HTT: variants seen among roughly 807,000 people sequenced by gnomAD.
The protein encoded by HTT is huntingtin.
Under a neutral mutation model 362.3 loss-of-function variants are expected in HTT, and 104 were observed. The ratio of observed to expected loss-of-function variants is 0.29; its 90% CI spans 0.24 to 0.34. HTT has a LOEUF of 0.34. HTT is among the 10% of genes least tolerant of loss of function. HTT has a pLI of 1.00. For synonymous variants in HTT, 1,577 were observed against 1,548.7 expected (o/e 1.02, Z -0.43); for missense variants, 3,301 against 3,928.6 (o/e 0.84, Z 4.27).
intron 41 of HTT, among the ~76,000 whole-genome samples, chr4:3,201,951 G>A (rs966134866): frequency 2.6e-5 from 4 of 152,246 alleles, no homozygotes; most frequent in South Asian, 4.1e-4. Context: ...ACCCTCTCTC[G>A]GTTTGTGTGC....
At chr4:3,184,096 GAGTT>G (rs1718647908) in intron 37 of HTT, among the ~76,000 whole-genome samples, 1 of 152,076 alleles carries the variant, frequency 6.6e-6, no homozygotes, top group Non-Finnish European at 1.5e-5. Context: ...GGAGGGAAGA[GAGTT>G]AGGTGGTGTC....
chr4:3,210,097 C>G, intron 47 of HTT, 148 bp downstream of exon 47: 1 of 979,424 alleles, frequency 1.0e-6, no homozygotes, highest in Non-Finnish European at 1.5e-6. Flanking sequence ...AGAGACTCCA[C>G]TCTGAATGGG....
rs1237778743 is a variant in HTT at position 3,132,921 on chromosome 4, A to C, written c.2493+10A>C. On this transcript the variant is annotated intron_variant, in intron 18 of 66. Coordinates refer to ENST00000355072, the MANE Select transcript of HTT (RefSeq NM_001388492.1). ...TTGTACAGCTGTGAGGGTGAGCATA[A>C]TCTTCTGTGGAACCATTTCTTCACT... 1.3e-6 allele frequency: 2 copies of C among 1,575,258 alleles called. No homozygotes were observed. The highest frequency in any genetic ancestry group is 2.7e-5 in the African/African-American group (2 of 74,072).
At chr4:3,136,369 T>A in intron 21 of HTT, 43 bp downstream of exon 21, 1 of 991,308 alleles carries the variant, frequency 1.0e-6, no homozygotes, top group Non-Finnish European at 1.6e-6. Context: ...TTGGTTGAAG[T>A]ACTAAAAGAT....
chr4:3,180,123 T>TA (rs11464662), intron 35 of HTT, among the ~76,000 whole-genome samples: 20,825 of 152,196 alleles, frequency 0.14, 1,776 homozygotes, highest in African/African-American at 0.25. Flanking sequence ...CTAAATGTAT[T>TA]ATGTGGAAGT....
chr4:3,189,116 C>T, intron 40 of HTT, 23 bp downstream of exon 40: 1 of 1,611,834 alleles, frequency 6.2e-7, no homozygotes, highest in Non-Finnish European at 8.5e-7. Flanking sequence ...CATTAGTCTT[C>T]CTGGAGTGTC....
intron 2 of HTT, among the ~76,000 whole-genome samples, chr4:3,094,947 G>T (rs1713761549): frequency 6.6e-6 from 1 of 151,824 alleles, no homozygotes; most frequent in African/African-American, 2.4e-5. Flanking sequence ...GGGCAGAGGT[G>T]CTCCCCACTT....
At chr4:3,142,581 G>A (rs1232484786) in intron 22 of HTT, among the ~76,000 whole-genome samples, 185 bp from the exon 23 acceptor site, 1 of 152,118 alleles carries the variant, frequency 6.6e-6, no homozygotes, top group Non-Finnish European at 1.5e-5. Flanking sequence ...CTGGGAGGAA[G>A]GGAGGGAATA....
At chr4:3,174,659 T>G in intron 31 of HTT, 62 bp from the exon 32 acceptor site, 1 of 1,296,614 alleles carries the variant, frequency 7.7e-7, no homozygotes, top group Admixed American at 1.7e-5. Context: ...TATATCTGAG[T>G]GCAGAGGAGA....
At chr4:3,090,437 A>G (rs559874785) in intron 2 of HTT, among the ~76,000 whole-genome samples, 139 of 152,350 alleles carry the variant, frequency 9.1e-4, no homozygotes, top group African/African-American at 3.3e-3. Context: ...ATACCCAGGA[A>G]TGCTTACTTG....
intron 49 of HTT, among the ~76,000 whole-genome samples, chr4:3,213,649 C>G (rs911273639): frequency 6.6e-6 from 1 of 152,202 alleles, no homozygotes; most frequent in Non-Finnish European, 1.5e-5. Flanking sequence ...GTGGGAGCCC[C>G]AAGGAAGAGC....
At chr4:3,235,497 G>C in intron 62 of HTT, 68 bp from the exon 63 acceptor site, 2 of 1,546,864 alleles carry the variant, frequency 1.3e-6, no homozygotes, top group East Asian at 2.2e-5. Context: ...TGACTTGGTC[G>C]GGAGGAGGCA....
At chr4:3,132,947 T>C in intron 18 of HTT, 36 bp downstream of exon 18, 1 of 1,405,280 alleles carries the variant, frequency 7.1e-7, no homozygotes, top group Non-Finnish European at 1.0e-6. Context: ...TTTCTTCACT[T>C]AGTGGACATT....
intron 2 of HTT, among the ~76,000 whole-genome samples, chr4:3,087,458 G>T (rs912030633): frequency 6.6e-6 from 1 of 152,196 alleles, no homozygotes; most frequent in Non-Finnish European, 1.5e-5. Flanking sequence ...CCACTCCTCT[G>T]TGCTTCGGGA....
chr4:3,190,214 G>A (rs1193122333), intron 40 of HTT, among the ~76,000 whole-genome samples: 1 of 151,764 alleles, frequency 6.6e-6, no homozygotes, highest in Non-Finnish European at 1.5e-5. Flanking sequence ...GATATGGTGG[G>A]CACATGCCTG....
intron 26 of HTT, among the ~76,000 whole-genome samples, chr4:3,150,060 C>T (rs1009249839): frequency 3.3e-5 from 5 of 152,188 alleles, no homozygotes; most frequent in Non-Finnish European, 7.4e-5. Context: ...CCACTTGCCA[C>T]TCCCCAGTCA....
intron 21 of HTT, among the ~76,000 whole-genome samples, chr4:3,137,278 A>T (rs1716114521): frequency 6.6e-6 from 1 of 152,144 alleles, no homozygotes; most frequent in Non-Finnish European, 1.5e-5. Context: ...AAATGTACTC[A>T]CTTTGAGTGT....
chr4:3,093,900 A>T (rs1578491524), intron 2 of HTT, among the ~76,000 whole-genome samples: 39 of 60,830 alleles, frequency 6.4e-4, no homozygotes, highest in East Asian at 2.5e-3. Flanking sequence ...TACCCCTTTA[A>T]GTTGGTTTTT....
In HTT at chr4:3,206,617, C is replaced by T; in HGVS notation, c.5840C>T (p.Ser1947Phe). 14 of 1,614,216 alleles carry T rather than the reference C, an allele frequency of 8.7e-6. No individual in the cohort carries two copies. The highest frequency in any genetic ancestry group is 1.2e-5 in the Non-Finnish European group (14 of 1,180,048). ...TTCATCAGTGCCGTTCATCGGAACT[C>T]TGCTGCCAGCGGCCTGTTCATCCAG... Reference protein sequence around the residue: ...QDFISAVHRNSAASGLFIQAI... With the variant: ...QDFISAVHRNFAASGLFIQAI... The change falls in exon 43 of 67, where the codon TCT becomes TTT. Residue 1947 changes from serine (S) to phenylalanine (F), a missense_variant. Around this residue, in one of 4 missense-constraint regions of HTT, gnomAD observed 2,316 missense variants for 2,658.5 expected, o/e 0.87. Transcript: ENST00000355072. This position sits in a 1 kb window ranked among gnomAD's most constrained non-coding sequence, Gnocchi z 4.6.
Sources: gnomAD v4.1 joint callset for allele counts (sites outside exome capture counted in the v4.1 genomes callset) on GRCh38, gnomAD v4.1.1 for gene constraint, gnomAD v4.1.1 regional missense constraint, Gnocchi (gnomAD v3.1) non-coding constraint, MANE v1.5 for transcripts, NCBI Gene and HGNC (gene_info 2026-07-23, HGNC 2026-07-21) for gene names.